The following ZNF578 variants were observed in gnomAD, a reference collection of about 807,000 sequenced individuals.
ZNF578 encodes the protein zinc finger protein 578.
In ZNF578, 8 loss-of-function variants were observed where a neutral mutation model predicts 8.3. That is an observed-to-expected ratio of 0.96 (90% CI 0.56 to 1.74). ZNF578 has a LOEUF of 1.74. Among genes scored for constraint, ZNF578 ranks in the 40% most tolerant of loss-of-function variants. The pLI is 0.00. For missense variants in ZNF578, 726 were observed against 707.5 expected (o/e 1.03, Z -0.30); for synonymous variants, 206 against 232.2 (o/e 0.89, Z 1.03).
At position 52,516,670 on chromosome 19, in the gene ZNF578, C is replaced by T. The variant is rs879086425; in HGVS notation, c.*4516C>T. On this transcript the variant is annotated 3_prime_UTR_variant, in exon 6 of 6. Transcript: ENST00000421239. ...TGATCAATGTGCTTTGTAATCTCCC[C>T]CACCCTTCAGAAGGCTCTTTGTAAT... 3.3e-5 allele frequency among the ~76,000 whole-genome samples: 5 copies of T among 152,136 alleles called. No individual in the cohort carries two copies. The highest frequency in any genetic ancestry group is 3.3e-4 in the Admixed American group (5 of 15,276).
intron 5 of ZNF578, 41 bp downstream of exon 5, chr19:52,504,822 G>A (rs1487558998): frequency 6.2e-7 from 1 of 1,611,520 alleles, no homozygotes; most frequent in Non-Finnish European, 8.5e-7. Flanking sequence ...GTCTGCTCTT[G>A]TCTGTCTTGG....
chr19:52,494,989 G>A lies in ZNF578; in HGVS notation c.-20+3564G>A, dbSNP rs185783004. The stretch of plus-strand genomic sequence containing the variant: ...TGAGACCACTGGTGTGAGACACCAA[G>A]CCCAGCTAGTTGTTTTTTTTTTCTT... On this transcript the variant is annotated intron_variant, in intron 3 of 5. Transcript: ENST00000421239. 7.4e-4 allele frequency among the ~76,000 whole-genome samples: 111 copies of A among 149,640 alleles called. No individual in the cohort carries two copies. In the East Asian group the frequency reaches 0.02, roughly 27 times the overall value.
At chr19:52,494,167 A>C (rs1216439086) in intron 3 of ZNF578, among the ~76,000 whole-genome samples, 3 of 151,676 alleles carry the variant, frequency 2.0e-5, no homozygotes, top group African/African-American at 7.3e-5. Flanking sequence ...GAGATGTGTA[A>C]AGAATTAGGG....
intron 3 of ZNF578, among the ~76,000 whole-genome samples, chr19:52,493,776 A>G (rs1346140190): frequency 6.6e-6 from 1 of 151,962 alleles, no homozygotes; most frequent in Non-Finnish European, 1.5e-5. Flanking sequence ...AGATCACCTG[A>G]GGTCCCGAGT....
intron 2 of ZNF578, among the ~76,000 whole-genome samples, chr19:52,481,335 G>C (rs2059325740): frequency 1.3e-5 from 2 of 152,192 alleles, no homozygotes; most frequent in Non-Finnish European, 2.9e-5. Flanking sequence ...CTGAACAAAG[G>C]AGAAGGAACG....
intron 3 of ZNF578, among the ~76,000 whole-genome samples, chr19:52,493,823 C>T (rs1378440362): frequency 1.3e-5 from 2 of 151,148 alleles, no homozygotes; most frequent in South Asian, 2.1e-4. Flanking sequence ...AAACCCCGTC[C>T]CTACTAAAAA....
chr19:52,511,458 A>T lies in ZNF578; in HGVS notation c.1077A>T (p.Arg359Ser), dbSNP rs1345304074. The change falls in exon 6 of 6, where the codon AGA becomes AGT. Residue 359 changes from arginine (R) to serine (S), a missense_variant. Transcript: ENST00000421239. ...GKSFSYKSSLRCHRRLHTGIK... is the reference protein window; with the variant it reads ...GKSFSYKSSLSCHRRLHTGIK... ...CCTTCAGTTACAAGTCATCCCTTAG[A>T]TGCCATCGTAGACTTCATACTGGAA... is the stretch of plus-strand genomic sequence containing the variant. The T allele has an allele frequency of 3.1e-6, 5 of 1,614,116 alleles. No homozygotes were observed. Among genetic ancestry groups the T allele is most frequent in the African/African-American group, 1.3e-5 (1 of 74,956 alleles).
chr19:52,491,991 T>A (rs748613584), intron 3 of ZNF578, among the ~76,000 whole-genome samples: 26 of 151,600 alleles, frequency 1.7e-4, no homozygotes, highest in Non-Finnish European at 2.5e-4. Context: ...AAACCCCATC[T>A]CTGCTAAAAA....
intron 2 of ZNF578, among the ~76,000 whole-genome samples, chr19:52,465,497 C>T (rs1029113181): frequency 6.6e-6 from 1 of 152,206 alleles, no homozygotes; most frequent in African/African-American, 2.4e-5. Context: ...CATCGTCTGT[C>T]TGAAAAGGCT....
At chr19:52,484,585 T>G (rs1174813373) in intron 2 of ZNF578, among the ~76,000 whole-genome samples, 3 of 152,144 alleles carry the variant, frequency 2.0e-5, no homozygotes, top group African/African-American at 7.2e-5. Context: ...TCGTATACCC[T>G]GTGACCTGCA....
chr19:52,465,311 C>T (rs543970474), intron 2 of ZNF578, among the ~76,000 whole-genome samples: 77 of 152,224 alleles, frequency 5.1e-4, no homozygotes, highest in African/African-American at 7.2e-4. Context: ...AGGTGGTGGC[C>T]ATTCTGGGCA....
At chr19:52,509,050 C>A (rs377245807) in intron 5 of ZNF578, among the ~76,000 whole-genome samples, 1 of 151,638 alleles carries the variant, frequency 6.6e-6, no homozygotes, top group African/African-American at 2.4e-5. Flanking sequence ...AACAGGCACC[C>A]GCCACCACAC....
chr19:52,463,085 T>A (rs938720335), intron 2 of ZNF578, among the ~76,000 whole-genome samples: 10 of 152,186 alleles, frequency 6.6e-5, no homozygotes. Flanking sequence ...CCCTATCTCC[T>A]GTTTATGTAA....
intron 2 of ZNF578, chr19:52,473,299 A>G (rs771323402): frequency 6.3e-6 from 1 of 158,868 alleles, no homozygotes; most frequent in Non-Finnish European, 1.5e-5. Context: ...AGACCTTACC[A>G]CATACATGGC....
chr19:52,461,201 A>G (rs2059256890), intron 2 of ZNF578, among the ~76,000 whole-genome samples: 1 of 152,134 alleles, frequency 6.6e-6, no homozygotes, highest in Non-Finnish European at 1.5e-5. Context: ...TTCCTTCCAG[A>G]TGATGTCTAA....
intron 2 of ZNF578, among the ~76,000 whole-genome samples, chr19:52,468,691 C>A (rs1283158266): frequency 2.6e-5 from 4 of 152,110 alleles, no homozygotes; most frequent in Non-Finnish European, 5.9e-5. Context: ...AGAGGAAGAC[C>A]CACCCTCAGT....
At chr19:52,479,230 G>T (rs2059317532) in intron 2 of ZNF578, among the ~76,000 whole-genome samples, 1 of 151,922 alleles carries the variant, frequency 6.6e-6, no homozygotes, top group Non-Finnish European at 1.5e-5. Context: ...ATGTTAACCT[G>T]ATTCAGAAAT....
rs143551660 is a variant in ZNF578 at position 52,506,007 on chromosome 19, C to G, written c.190+1226C>G. Reference sequence around the variant, plus strand: ...CCACCTATTGGATTCAAGTGATTCTCCTGCCTCAGCCTCTTGAGTGGCTGG... The same window carrying G: ...CCACCTATTGGATTCAAGTGATTCTGCTGCCTCAGCCTCTTGAGTGGCTGG... On this transcript the variant is annotated intron_variant, in intron 5 of 5. Coordinates refer to ENST00000421239, the MANE Select transcript of ZNF578 (RefSeq NM_001099694.2). Among the ~76,000 whole-genome samples, 612 of 151,890 alleles carry G rather than the reference C, an allele frequency of 4.0e-3. 4 individuals carry two copies. The highest frequency in any genetic ancestry group is 0.014 in the African/African-American group (587 of 41,426).
intron 2 of ZNF578, among the ~76,000 whole-genome samples, chr19:52,485,395 T>A (rs1214273324): frequency 6.6e-6 from 1 of 152,168 alleles, no homozygotes; most frequent in Non-Finnish European, 1.5e-5. Context: ...CTTATTCTGA[T>A]GGGATGGAAC....
Sources: gnomAD v4.1 joint callset for allele counts (sites outside exome capture counted in the v4.1 genomes callset) on GRCh38, gnomAD v4.1.1 for gene constraint, MANE v1.5 for transcripts, NCBI Gene and HGNC (gene_info 2026-07-23, HGNC 2026-07-21) for gene names.